Variants in OR2L13 observed in about 807,000 individuals in gnomAD.
OR2L13 encodes olfactory receptor family 2 subfamily L member 13.
A neutral mutation model predicts 15.3 loss-of-function variants in OR2L13; 14 were observed. The observed-to-expected ratio is 0.91, with a 90% CI of 0.60 to 1.43. The LOEUF (loss-of-function observed/expected upper bound fraction) is 1.43, where lower values mean the gene tolerates loss of function less well. Among genes scored for constraint, OR2L13 ranks in the 40% most tolerant of loss-of-function variants. OR2L13 has a pLI of 0.00. For missense variants in OR2L13, 367 were observed against 387.9 expected, an observed-to-expected ratio of 0.95 and a Z score of 0.45; for synonymous variants, 152 against 142.9, an observed-to-expected ratio of 1.06 and a Z score of -0.45.
chr1:248,001,710 A>G, the OR2L13 span, among the ~76,000 whole-genome samples: 3 of 151,910 alleles, frequency 2.0e-5, no homozygotes, highest in African/African-American at 7.2e-5. Flanking sequence ...CTCTCATTTT[A>G]TTTAAATAAT....
the OR2L13 span, among the ~76,000 whole-genome samples, chr1:247,984,405 T>C: frequency 2.0e-5 from 3 of 152,110 alleles, no homozygotes; most frequent in Non-Finnish European, 4.4e-5. Context: ...CTGTATAAAA[T>C]ACAAATGATA....
chr1:248,078,247 C>T, the OR2L13 span, among the ~76,000 whole-genome samples: 2 of 152,192 alleles, frequency 1.3e-5, no homozygotes, highest in Middle Eastern at 3.4e-3. Context: ...TTTTGGGAGG[C>T]TGAGGCGGGT....
chr1:248,099,937 T>C, exon 3 of OR2L13: 2 of 1,614,200 alleles, frequency 1.2e-6, no homozygotes, highest in Non-Finnish European at 1.7e-6. Flanking sequence ...GCTTCTTGCC[T>C]GTACAGATAC....
At chr1:248,020,788 C>T in the OR2L13 span, among the ~76,000 whole-genome samples, 8,127 of 151,620 alleles carry the variant, frequency 0.054, 683 homozygotes, top group African/African-American at 0.18. Flanking sequence ...TCATTTATTT[C>T]ATTTCATTTT....
chr1:247,986,804 G>T, the OR2L13 span, among the ~76,000 whole-genome samples: 16 of 152,174 alleles, frequency 1.1e-4, no homozygotes, highest in East Asian at 2.3e-3. Context: ...GTGGTTTGTT[G>T]TTCTCCTTGT....
At chr1:248,039,193 C>G in the OR2L13 span, 61 of 1,608,426 alleles carry the variant, frequency 3.8e-5, no homozygotes, top group Non-Finnish European at 5.0e-5. Flanking sequence ...AAAATCTTCT[C>G]AGTGAAAATG....
At chr1:248,023,426 A>G in the OR2L13 span, 6 of 152,384 alleles carry the variant, frequency 3.9e-5, no homozygotes, top group African/African-American at 1.4e-4. Flanking sequence ...TTTATAAAAG[A>G]TTCTATGGAA....
At chr1:247,967,976 C>T in the OR2L13 span, among the ~76,000 whole-genome samples, 4 of 151,968 alleles carry the variant, frequency 2.6e-5, no homozygotes, top group East Asian at 1.9e-4. Flanking sequence ...CTCCTCCTCT[C>T]GTTCTCCTTC....
the OR2L13 span, among the ~76,000 whole-genome samples, chr1:247,998,330 A>G: frequency 2.6e-5 from 4 of 152,158 alleles, no homozygotes; most frequent in East Asian, 5.8e-4. Context: ...TGGAAGAGAT[A>G]GGGATAAATT....
the OR2L13 span, chr1:248,041,103 G>T: frequency 1.3e-5 from 2 of 152,108 alleles, no homozygotes; most frequent in Admixed American, 6.5e-5. Flanking sequence ...GATGTTGAAA[G>T]ATTTACCTAA....
the OR2L13 span, among the ~76,000 whole-genome samples, chr1:247,959,613 C>G: frequency 6.6e-6 from 1 of 151,934 alleles, no homozygotes; most frequent in African/African-American, 2.4e-5. Flanking sequence ...TTCACATAGT[C>G]CCATATTTCT....
At chr1:248,091,213 T>C (rs535187692), upstream of OR2L13, among the ~76,000 whole-genome samples, 3 of 152,328 alleles carry the variant, frequency 2.0e-5, no homozygotes, top group East Asian at 3.9e-4. Flanking sequence ...TTTGCAAATA[T>C]TTTATCCCAT....
chr1:247,986,595 A>G, the OR2L13 span, among the ~76,000 whole-genome samples: 11,691 of 151,578 alleles, frequency 0.077, 523 homozygotes, highest in East Asian at 0.18. Context: ...GGCAATGAGG[A>G]CTCTTTTTTG....
chr1:247,990,514 AT>A, the OR2L13 span: 11,723 of 1,575,746 alleles, frequency 7.4e-3, 657 homozygotes, highest in African/African-American at 0.14. Flanking sequence ...ATGGTTTATG[AT>A]TTTTCTGTAT....
At chr1:248,020,984 A>G in the OR2L13 span, among the ~76,000 whole-genome samples, 1 of 151,902 alleles carries the variant, frequency 6.6e-6, no homozygotes, top group Non-Finnish European at 1.5e-5. Context: ...AATAAGTCAC[A>G]GGCTGCTGCA....
the OR2L13 span, among the ~76,000 whole-genome samples, chr1:248,043,430 T>A: frequency 6.6e-6 from 1 of 152,180 alleles, no homozygotes; most frequent in Non-Finnish European, 1.5e-5. Context: ...ATATGGAATA[T>A]GTGAGAAGTT....
chr1:248,029,223 A>G, the OR2L13 span: 1 of 152,216 alleles, frequency 6.6e-6, no homozygotes, highest in South Asian at 2.1e-4. Flanking sequence ...TAGCCTATAC[A>G]TATCAAAATA....
chr1:247,950,627 A>G, the OR2L13 span, among the ~76,000 whole-genome samples: 1 of 152,202 alleles, frequency 6.6e-6, no homozygotes. Context: ...GTTGTCAGAT[A>G]TCATTTAACT....
At chr1:248,050,012 C>G in the OR2L13 span, among the ~76,000 whole-genome samples, 1 of 152,074 alleles carries the variant, frequency 6.6e-6, no homozygotes, top group African/African-American at 2.4e-5. Flanking sequence ...GTGGCGATAC[C>G]TATCTGAAGA....
Sources: gnomAD v4.1 joint callset for allele counts (sites outside exome capture counted in the v4.1 genomes callset) on GRCh38, gnomAD v4.1.1 for gene constraint, MANE v1.5 for transcripts, NCBI Gene and HGNC (gene_info 2026-07-23, HGNC 2026-07-21) for gene names.